MAOA: variants seen among roughly 807,000 people sequenced by gnomAD.
MAOA encodes amine oxidase [flavin-containing] A.
Under a neutral mutation model 42.0 loss-of-function variants are expected in MAOA, and 6 were observed. The ratio of observed to expected loss-of-function variants is 0.14; its 90% CI spans 0.08 to 0.28. The LOEUF (loss-of-function observed/expected upper bound fraction) is 0.28. Ranked by LOEUF, MAOA falls within the 10% of genes least tolerant of loss-of-function variation. The pLI is 1.00. For missense variants in MAOA, 262 were observed against 422.3 expected, an observed-to-expected ratio of 0.62 and a Z score of 3.33; for synonymous variants, 140 against 154.0, an observed-to-expected ratio of 0.91 and a Z score of 0.67.
At position 43,744,505 on chromosome X, in the gene MAOA, C is replaced by T. The variant is rs1254032613; in HGVS notation, c.1576C>T (p.Arg526Trp). ...FVLYKYKLLPRS is the reference protein window; with the variant it reads ...FVLYKYKLLPWS ...GCTGTACAAATACAAGCTCCTGCCA[C>T]GGTCTTGAAGTTCTGTTCTTATGCT... The change falls in exon 15 of 15, where the codon CGG becomes TGG. Residue 526 changes from arginine (R) to tryptophan (W), a missense_variant. Physicochemically the swap from Arg to Trp is moderately radical, Grantham distance 101. Transcript: ENST00000338702. 1.3e-5 allele frequency: 16 copies of T among 1,208,583 alleles called. No individual in the cohort carries two copies. Among genetic ancestry groups the T allele is most frequent in the Middle Eastern group, 2.3e-4 (1 of 4,374 alleles).
chrX:43,713,996 G>A (rs185273520), intron 5 of MAOA, among the ~76,000 whole-genome samples: 56 of 111,180 alleles, frequency 5.0e-4, no homozygotes, highest in African/African-American at 1.7e-3. Context: ...GACAGGAAGG[G>A]TGGATGGTGT....
Position 43,690,829 on chromosome X carries a change from C to G in MAOA, c.169-2462C>G, listed in dbSNP as rs1294634453. On this transcript the variant is annotated intron_variant, in intron 2 of 14. Transcript: ENST00000338702. ...AGTCGTGGATGCAGCTAAAGCAATACTTAGAAGATGTATAGTCTAAATTCT... is the reference window on the plus strand; with the variant it reads ...AGTCGTGGATGCAGCTAAAGCAATAGTTAGAAGATGTATAGTCTAAATTCT... Among the ~76,000 whole-genome samples the G allele has an allele frequency of 4.5e-5, 5 of 110,340 alleles. 1 individual carries two copies. In the Admixed American group the frequency reaches 4.8e-4, roughly 11 times the overall value.
intron 3 of MAOA, among the ~76,000 whole-genome samples, chrX:43,707,219 T>A (rs2033665262): frequency 9.0e-6 from 1 of 111,053 alleles, no homozygotes; most frequent in Non-Finnish European, 1.9e-5. Context: ...AGGAGGGGTC[T>A]TGGGGAACTA....
At chrX:43,724,092 T>C (rs1203421103) in intron 5 of MAOA, among the ~76,000 whole-genome samples, 4 of 112,083 alleles carry the variant, frequency 3.6e-5, no homozygotes, top group Admixed American at 9.5e-5. Context: ...TAGTATTTTA[T>C]TGAGGATTTT....
chrX:43,690,674 A>G (rs760746129), intron 2 of MAOA, among the ~76,000 whole-genome samples: 40 of 111,635 alleles, frequency 3.6e-4, no homozygotes, highest in Non-Finnish European at 6.6e-4. Context: ...GACACTTTAA[A>G]TTTTCTGCCC....
intron 2 of MAOA, among the ~76,000 whole-genome samples, chrX:43,692,696 A>C (rs1432634872): frequency 8.9e-6 from 1 of 111,778 alleles, no homozygotes; most frequent in Non-Finnish European, 1.9e-5. Flanking sequence ...TCCAATTAAT[A>C]AAAACAGCTG....
At chrX:43,742,756 C>CAT (rs1400137880) in intron 12 of MAOA, among the ~76,000 whole-genome samples, 1 of 112,103 alleles carries the variant, frequency 8.9e-6, no homozygotes, top group African/African-American at 3.2e-5. Flanking sequence ...GCACTTTTAG[C>CAT]ATAAATGGTG....
rs560612124 is a variant in MAOA at position 43,733,105 on chromosome X, C to A, written c.1052+310C>A. ...ACAGGCAGTATGGTAGCCACCCCTG[C>A]CTACAGGCAGAATGTCCACAGCCAT... On this transcript the variant is annotated intron_variant, in intron 9 of 14. Coordinates refer to ENST00000338702, the MANE Select transcript of MAOA (RefSeq NM_000240.4). Among the ~76,000 whole-genome samples the A allele has an allele frequency of 2.7e-5, 3 of 111,930 alleles. No homozygotes were observed. In the South Asian group the frequency reaches 1.1e-3, roughly 42 times the overall value.
At chrX:43,732,645 G>T in intron 8 of MAOA, 54 bp from the exon 9 acceptor site, 5 of 780,884 alleles carry the variant, frequency 6.4e-6, no homozygotes, top group Non-Finnish European at 1.0e-5. Context: ...TGTGTGTATG[G>T]GTGTCTCTGA....
In MAOA at chrX:43,744,557, C is replaced by T. The variant is rs186269028; in HGVS notation, c.*44C>T. On this transcript the variant is annotated 3_prime_UTR_variant, in exon 15 of 15. Coordinates refer to ENST00000338702, the MANE Select transcript of MAOA (RefSeq NM_000240.4). ...TCTGCTCACTGGTTTTCAATACCAC[C>T]AAGAGGAAAATATTGACAAGTTTAA... 8.5e-7 allele frequency: 1 copy of T among 1,178,773 alleles called. No homozygotes were observed. The highest frequency in any genetic ancestry group is 3.0e-5 in the East Asian group (1 of 33,600).
intron 1 of MAOA, among the ~76,000 whole-genome samples, chrX:43,673,231 GTGTTTGTAGTATTCTC>G (rs1316951508): frequency 3.6e-5 from 4 of 111,586 alleles, no homozygotes; most frequent in Non-Finnish European, 7.5e-5. Context: ...TTGCATAGAG[GTGTTTGTAGTATTCTC>G]TGATGGTAGT....
intron 3 of MAOA, among the ~76,000 whole-genome samples, chrX:43,706,624 CATAA>C (rs746283353): frequency 9.5e-6 from 1 of 104,874 alleles, no homozygotes; most frequent in African/African-American, 3.8e-5. Flanking sequence ...ATCTCTACAA[CATAA>C]ATAAATAAAT....
At chrX:43,660,122 T>C (rs1431819401) in intron 1 of MAOA, among the ~76,000 whole-genome samples, 2 of 111,389 alleles carry the variant, frequency 1.8e-5, no homozygotes, top group African/African-American at 6.5e-5. Context: ...CATACCTCTA[T>C]GTCTGTGTGT....
intron 1 of MAOA, among the ~76,000 whole-genome samples, chrX:43,681,027 G>A (rs1036424927): frequency 5.4e-5 from 6 of 110,944 alleles, no homozygotes; most frequent in African/African-American, 2.0e-4. Flanking sequence ...GCCAGTAGGA[G>A]TTTATATAGG....
At chrX:43,711,236 AAG>A (rs2033697406) in intron 3 of MAOA, among the ~76,000 whole-genome samples, 1 of 111,832 alleles carries the variant, frequency 8.9e-6, no homozygotes, top group Non-Finnish European at 1.9e-5. Context: ...TACAGAAAAG[AAG>A]AGAGACAATT....
At chrX:43,680,637 A>C (rs2033435522) in intron 1 of MAOA, among the ~76,000 whole-genome samples, 1 of 110,763 alleles carries the variant, frequency 9.0e-6, no homozygotes, top group South Asian at 3.8e-4. Flanking sequence ...GAGTCAGATA[A>C]CATTTGTCTC....
chrX:43,656,542 C>T, intron 1 of MAOA, 128 bp downstream of exon 1: 1 of 629,257 alleles, frequency 1.6e-6, no homozygotes, highest in Non-Finnish European at 2.6e-6. Context: ...ATGGCTTGGC[C>T]CCATATCCTG....
chrX:43,701,252 TTAGAGAGC>T (rs2033623250), intron 3 of MAOA, among the ~76,000 whole-genome samples: 1 of 111,584 alleles, frequency 9.0e-6, no homozygotes, highest in Non-Finnish European at 1.9e-5. Context: ...TTTGCACTGT[TTAGAGAGC>T]TAGGTCAGCA....
At chrX:43,683,662 G>T in intron 2 of MAOA, 55 bp downstream of exon 2, 1 of 993,712 alleles carries the variant, frequency 1.0e-6, no homozygotes, top group South Asian at 1.9e-5. Flanking sequence ...ACTACAAGTG[G>T]CACCACTGGA....
Sources: gnomAD v4.1 joint callset for allele counts (sites outside exome capture counted in the v4.1 genomes callset) on GRCh38, gnomAD v4.1.1 for gene constraint, MANE v1.5 for transcripts, NCBI Gene and HGNC (gene_info 2026-07-23, HGNC 2026-07-21) for gene names.